The following SPTAN1 variants were observed in gnomAD, a reference collection of about 807,000 sequenced individuals.
SPTAN1 encodes the protein spectrin alpha, non-erythrocytic 1.
SPTAN1 carries 61 observed loss-of-function variants against 331.3 expected under a neutral mutation model. The ratio of observed to expected loss-of-function variants is 0.18; its 90% CI spans 0.15 to 0.23. The LOEUF (loss-of-function observed/expected upper bound fraction) is 0.23, where lower values mean the gene tolerates loss of function less well. Ranked by LOEUF, SPTAN1 falls within the 10% of genes least tolerant of loss-of-function variation. SPTAN1 has a pLI of 1.00. For synonymous variants in SPTAN1, 1,153 were observed against 1,173.9 expected (o/e 0.98, Z 0.36); for missense variants, 2,043 against 3,147.9 (o/e 0.65, Z 8.40).
Position 128,611,701 on chromosome 9 carries a change from T to C in SPTAN1, c.4774-13T>C, listed in dbSNP as rs1284819649. ...AGGAACTGGTTTGGAAAAAATTTTTTTGGTATTTTTAGAGCAAGCACCAGA... is the reference window on the plus strand; with the variant it reads ...AGGAACTGGTTTGGAAAAAATTTTTCTGGTATTTTTAGAGCAAGCACCAGA... On this transcript the variant is annotated splice_polypyrimidine_tract_variant and intron_variant, in intron 37 of 56. Coordinates refer to ENST00000372739, the MANE Select transcript of SPTAN1 (RefSeq NM_001130438.3). 1 of 1,613,826 alleles carries C rather than the reference T, an allele frequency of 6.2e-7. No homozygotes were observed.
At chr9:128,608,474 ATAT>A (rs1856176814) in intron 34 of SPTAN1, among the ~76,000 whole-genome samples, 198 bp downstream of exon 34, 1 of 151,966 alleles carries the variant, frequency 6.6e-6, no homozygotes, top group African/African-American at 2.4e-5. Flanking sequence ...GGAAAAAAAA[ATAT>A]TATCAAAGGG....
intron 1 of SPTAN1, among the ~76,000 whole-genome samples, chr9:128,561,418 CT>C (rs1849330025): frequency 6.6e-6 from 1 of 150,692 alleles, no homozygotes; most frequent in South Asian, 2.1e-4. Flanking sequence ...AATCCCAGCT[CT>C]TTTGGAGGCC....
chr9:128,553,912 G>C (rs911908920), intron 1 of SPTAN1, among the ~76,000 whole-genome samples: 2 of 152,210 alleles, frequency 1.3e-5, no homozygotes, highest in Non-Finnish European at 2.9e-5. Flanking sequence ...AAAGATGGAA[G>C]GGTGGGGGTG....
intron 41 of SPTAN1, 150 bp downstream of exon 41, chr9:128,615,990 C>T (rs1184852891): frequency 2.4e-6 from 2 of 842,758 alleles, no homozygotes; most frequent in African/African-American, 3.4e-5. Context: ...TCAGTGTCTT[C>T]TGCTTTCCGG....
At position 128,603,549 on chromosome 9, in the gene SPTAN1, C is replaced by A. The variant is rs1156936601; in HGVS notation, c.3586C>A (p.Arg1196Ser). The change falls in exon 28 of 57, where the codon CGT becomes AGT. Residue 1196 changes from arginine to serine, a missense_variant. Around this residue, in one of 12 missense-constraint regions of SPTAN1, gnomAD observed 1,038 missense variants for 1,531.5 expected, o/e 0.68. Coordinates refer to ENST00000372739, the MANE Select transcript of SPTAN1 (RefSeq NM_001130438.3). Reference protein sequence around the residue: ...SKTASPWKSARLMVHTVATFN... With the variant: ...SKTASPWKSASLMVHTVATFN... ...TGCTTTCCTCCCTACCTAGTCTGCT[C>A]GTCTGATGGTTCACACCGTGGCCAC... 1 of 1,614,196 alleles carries A rather than the reference C, an allele frequency of 6.2e-7. No individual in the cohort carries two copies.
chr9:128,614,742 G>T (rs1228056711), intron 40 of SPTAN1, among the ~76,000 whole-genome samples: 1 of 152,134 alleles, frequency 6.6e-6, no homozygotes, highest in Non-Finnish European at 1.5e-5. Flanking sequence ...TCACACCACC[G>T]CACTCTTGGA....
rs887048607 is a variant in SPTAN1, at chr9:128,593,563, T to C, written c.3215+521T>C. On this transcript the variant is annotated intron_variant, in intron 23 of 56. Transcript: ENST00000372739. Reference sequence around the variant, plus strand: ...AGTTCCCGAGGGTTAGAATATTCTTTGATTCTTAAGAAATCTTTCAAGTAA... The same window carrying C: ...AGTTCCCGAGGGTTAGAATATTCTTCGATTCTTAAGAAATCTTTCAAGTAA... 6.5e-5 allele frequency: 13 copies of C among 200,164 alleles called. No individual in the cohort carries two copies. The East Asian group carries it at 1.5e-3, about 24-fold the overall frequency. The allele number at this position is 200,164 out of a possible 1,614,324, so 12.4% of individuals were successfully genotyped here. A position where few individuals can be genotyped will look rare whatever the true frequency, so the allele number is the denominator to read the frequency against.
chr9:128,608,642 C>G (rs1358277239), intron 34 of SPTAN1, among the ~76,000 whole-genome samples: 3 of 152,190 alleles, frequency 2.0e-5, no homozygotes, highest in African/African-American at 7.2e-5. Context: ...CTAACACCTG[C>G]CCCACCTGAG....
At chr9:128,562,163 C>T (rs112532901) in intron 1 of SPTAN1, among the ~76,000 whole-genome samples, 4,602 of 152,104 alleles carry the variant, frequency 0.03, 217 homozygotes, top group African/African-American at 0.1. Context: ...AGTGCAGTGA[C>T]GCGATCTGGG....
intron 11 of SPTAN1, among the ~76,000 whole-genome samples, chr9:128,581,493 C>CA (rs1211838472): frequency 7.9e-5 from 11 of 139,034 alleles, no homozygotes; most frequent in East Asian, 2.1e-4. Flanking sequence ...AAAAAACAAA[C>CA]AAAAAAAACA....
intron 3 of SPTAN1, among the ~76,000 whole-genome samples, chr9:128,569,648 C>T (rs1850428730): frequency 6.6e-6 from 1 of 151,924 alleles, no homozygotes; most frequent in Non-Finnish European, 1.5e-5. Context: ...GGTTCTTTGT[C>T]ATCCAAAGCC....
chr9:128,590,980 T>G (rs1212468710), intron 21 of SPTAN1, among the ~76,000 whole-genome samples: 1 of 152,232 alleles, frequency 6.6e-6, no homozygotes, highest in Non-Finnish European at 1.5e-5. Context: ...ATTGCTCTTC[T>G]GCCTGTGACC....
In SPTAN1 at chr9:128,561,758, C is replaced by T. The variant is rs191771342; in HGVS notation, c.-3-4980C>T. ...GTCTATTGTGCCATATTCTGGGAAC[C>T]GGAGGATCCCAGGTCATCCTGGCCT... On this transcript the variant is annotated intron_variant, in intron 1 of 56. Transcript: ENST00000372739. Among the ~76,000 whole-genome samples, 7 of 150,992 alleles carry T rather than the reference C, an allele frequency of 4.6e-5. No individual in the cohort carries two copies. In the East Asian group the frequency reaches 1.4e-3, roughly 30 times the overall value.
At chr9:128,588,103 T>C (rs1256895347) in intron 20 of SPTAN1, among the ~76,000 whole-genome samples, 4 of 150,370 alleles carry the variant, frequency 2.7e-5, no homozygotes, top group African/African-American at 9.8e-5. Context: ...GTTGAAGCAA[T>C]TACCCTGCCT....
intron 31 of SPTAN1, among the ~76,000 whole-genome samples, chr9:128,606,692 G>T (rs149764576): frequency 1.3e-5 from 2 of 151,766 alleles, no homozygotes; most frequent in Non-Finnish European, 2.9e-5. Flanking sequence ...CTCCATGTTG[G>T]TCAGGCTGGT....
intron 2 of SPTAN1, among the ~76,000 whole-genome samples, chr9:128,568,278 A>G (rs1850268498): frequency 6.6e-6 from 1 of 152,174 alleles, no homozygotes; most frequent in Non-Finnish European, 1.5e-5. Context: ...GTATTTGATG[A>G]AAAAGAGGTA....
chr9:128,581,112 TGCCTC>T, intron 11 of SPTAN1, 53 bp downstream of exon 11: 1 of 1,611,294 alleles, frequency 6.2e-7, no homozygotes, highest in East Asian at 2.2e-5. Context: ...GCCTGTGTTT[TGCCTC>T]CTCGGGTAGT....
chr9:128,574,658 T>C lies in SPTAN1; in HGVS notation c.364-17T>C. 6.2e-7 allele frequency: 1 copy of C among 1,614,164 alleles called. No homozygotes were observed. Among genetic ancestry groups the C allele is most frequent in the Non-Finnish European group, 8.5e-7 (1 of 1,179,994 alleles). On this transcript the variant is annotated splice_polypyrimidine_tract_variant and intron_variant, in intron 3 of 56. Coordinates refer to ENST00000372739, the MANE Select transcript of SPTAN1 (RefSeq NM_001130438.3). Reference sequence around the variant, plus strand: ...GCCAGTTGTGATCTGATTAAAACTCTGATTTGAAACTTTCAGACCCGTTTG... The same window carrying C: ...GCCAGTTGTGATCTGATTAAAACTCCGATTTGAAACTTTCAGACCCGTTTG...
At chr9:128,604,490 C>G in intron 29 of SPTAN1, 73 bp downstream of exon 29, 1 of 1,458,044 alleles carries the variant, frequency 6.9e-7, no homozygotes, top group Non-Finnish European at 9.4e-7. Flanking sequence ...CCCAAGCTTG[C>G]TGACTGAGAT....
Sources: gnomAD v4.1 joint callset for allele counts (sites outside exome capture counted in the v4.1 genomes callset) on GRCh38, gnomAD v4.1.1 for gene constraint, gnomAD v4.1.1 regional missense constraint, MANE v1.5 for transcripts, NCBI Gene and HGNC (gene_info 2026-07-23, HGNC 2026-07-21) for gene names.